Variants in HS2ST1 observed in about 807,000 individuals in gnomAD.
HS2ST1 encodes the protein heparan sulfate 2-O-sulfotransferase 1.
In HS2ST1, 18 loss-of-function variants were observed where a neutral mutation model predicts 42.9. The observed-to-expected ratio is 0.42, with a 90% confidence interval of 0.29 to 0.62. The LOEUF (loss-of-function observed/expected upper bound fraction) is 0.62, where lower values mean the gene tolerates loss of function less well. Ranked by LOEUF, HS2ST1 falls within the 20% of genes least tolerant of loss-of-function variation. The probability of loss-of-function intolerance (pLI) is 0.21; values close to 1 mark genes in which losing one functional copy is unlikely to be tolerated. For missense variants in HS2ST1, 334 were observed against 433.8 expected, an observed-to-expected ratio of 0.77 and a Z score of 2.04; for synonymous variants, 146 against 152.9, an observed-to-expected ratio of 0.95 and a Z score of 0.33.
intron 4 of HS2ST1, among the ~76,000 whole-genome samples, chr1:87,096,915 C>T (rs929247494): frequency 1.3e-5 from 2 of 152,176 alleles, no homozygotes; most frequent in African/African-American, 4.8e-5. Context: ...CTTATTTCTT[C>T]TTATGAGCTA....
At chr1:86,984,009 T>TA (rs1333553519) in intron 1 of HS2ST1, among the ~76,000 whole-genome samples, 1 of 149,444 alleles carries the variant, frequency 6.7e-6, no homozygotes, top group Non-Finnish European at 1.5e-5. Flanking sequence ...CATTGAACTC[T>TA]AGCCTGGGTG....
chr1:87,028,369 G>C (rs1650141462), intron 1 of HS2ST1, among the ~76,000 whole-genome samples: 1 of 152,150 alleles, frequency 6.6e-6, no homozygotes, highest in Admixed American at 6.5e-5. Flanking sequence ...TTTTTACTTA[G>C]TTTTCAAAAG....
chr1:86,964,031 C>A (rs1268774453), intron 1 of HS2ST1, among the ~76,000 whole-genome samples: 1 of 151,054 alleles, frequency 6.6e-6, no homozygotes, highest in Non-Finnish European at 1.5e-5. Flanking sequence ...CCTCACCTCC[C>A]AGACGGGGTC....
At chr1:86,930,624 T>C (rs932355397) in intron 1 of HS2ST1, among the ~76,000 whole-genome samples, 3 of 151,984 alleles carry the variant, frequency 2.0e-5, no homozygotes, top group Non-Finnish European at 4.4e-5. Context: ...TATAATTGCA[T>C]TGGAAAAGTG....
At chr1:86,964,311 A>AGCCGAGATCACGCC (rs1357724324) in intron 1 of HS2ST1, among the ~76,000 whole-genome samples, 4 of 152,204 alleles carry the variant, frequency 2.6e-5, no homozygotes, top group African/African-American at 9.6e-5. Context: ...GGTTGTAGCT[A>AGCCGAGATCACGCC]GCCGAGATCA....
At chr1:86,984,857 G>C (rs1168500736) in intron 1 of HS2ST1, among the ~76,000 whole-genome samples, 3 of 146,608 alleles carry the variant, frequency 2.0e-5, no homozygotes, top group Admixed American at 6.9e-5. Flanking sequence ...AGTGAGTTCA[G>C]ATCACGCCAC....
chr1:86,993,013 G>A, intron 1 of HS2ST1: 3 of 1,536,450 alleles, frequency 2.0e-6, no homozygotes. Context: ...TCCCAGTGTG[G>A]GGAGGGTACC....
chr1:86,986,439 G>C (rs912627559), intron 1 of HS2ST1, among the ~76,000 whole-genome samples: 1 of 152,116 alleles, frequency 6.6e-6, no homozygotes, highest in Non-Finnish European at 1.5e-5. Flanking sequence ...AGAATAATCC[G>C]CCTCCCTGCA....
chr1:87,042,449 T>G (rs969748247), intron 1 of HS2ST1, among the ~76,000 whole-genome samples: 1 of 152,122 alleles, frequency 6.6e-6, no homozygotes, highest in Non-Finnish European at 1.5e-5. Flanking sequence ...CAGTTCTGGG[T>G]CCTTTGTTTC....
chr1:87,078,501 C>T (rs2100639564), intron 2 of HS2ST1, among the ~76,000 whole-genome samples: 1 of 152,290 alleles, frequency 6.6e-6, no homozygotes, highest in East Asian at 1.9e-4. Context: ...ACTACTACAT[C>T]TGAAACATTC....
intron 1 of HS2ST1, among the ~76,000 whole-genome samples, chr1:86,925,275 C>T (rs868061897): frequency 3.5e-4 from 54 of 152,292 alleles, no homozygotes; most frequent in Middle Eastern, 3.4e-3. Context: ...CTAGGAAGTT[C>T]CCAAACTTTC....
chr1:86,998,497 C>T (rs1227768381), intron 1 of HS2ST1, among the ~76,000 whole-genome samples: 1 of 152,148 alleles, frequency 6.6e-6, no homozygotes, highest in Non-Finnish European at 1.5e-5. Context: ...GACATAATGT[C>T]TCTAGTTTTC....
At chr1:86,937,374 T>C (rs1328673499) in intron 1 of HS2ST1, among the ~76,000 whole-genome samples, 3 of 152,276 alleles carry the variant, frequency 2.0e-5, no homozygotes, top group East Asian at 3.9e-4. Context: ...AATTAATATT[T>C]TATATTTAAA....
intron 1 of HS2ST1, among the ~76,000 whole-genome samples, chr1:87,010,463 T>TA (rs1649566640): frequency 6.6e-6 from 1 of 152,184 alleles, no homozygotes; most frequent in African/African-American, 2.4e-5. Flanking sequence ...GGTAACTTCT[T>TA]ACTGCAAAAA....
chr1:87,104,541 C>A lies in HS2ST1; in HGVS notation c.916C>A (p.Gln306Lys), dbSNP rs143332886. ...TAAACAAACCATTGCAAAACTACAGCAATCTGATATTTGGAAAATGGAGAA... is the reference window on the plus strand; with the variant it reads ...TAAACAAACCATTGCAAAACTACAGAAATCTGATATTTGGAAAATGGAGAA... ...PTKQTIAKLQ[Q>K]SDIWKMENEF... The change falls in exon 7 of 7, where the codon CAA (glutamine) becomes AAA (lysine). Residue 306 changes from glutamine to lysine, a missense_variant. Physicochemically the swap from Gln to Lys is moderately conservative, Grantham distance 53. Transcript: ENST00000370550. The A allele has an allele frequency of 6.2e-7, 1 of 1,613,266 alleles. No individual in the cohort carries two copies. Among genetic ancestry groups the A allele is most frequent in the East Asian group, 2.2e-5 (1 of 44,866 alleles).
chr1:87,075,500 T>G (rs1004508382), intron 2 of HS2ST1, among the ~76,000 whole-genome samples: 3 of 152,192 alleles, frequency 2.0e-5, no homozygotes, highest in Non-Finnish European at 4.4e-5. Context: ...TTGCTCTTTT[T>G]TCTTCTCTAA....
At chr1:87,023,431 T>C (rs377415484) in intron 1 of HS2ST1, among the ~76,000 whole-genome samples, 2 of 147,968 alleles carry the variant, frequency 1.4e-5, no homozygotes, top group East Asian at 4.0e-4. Flanking sequence ...AAACCACTTA[T>C]ACAAACTGAT....
chr1:86,971,593 C>T (rs1048213412), intron 1 of HS2ST1, among the ~76,000 whole-genome samples: 3 of 152,150 alleles, frequency 2.0e-5, no homozygotes, highest in South Asian at 2.1e-4. Flanking sequence ...CTTCTTTACA[C>T]GTCCAATCTT....
At chr1:87,032,668 T>C (rs1216431625) in intron 1 of HS2ST1, among the ~76,000 whole-genome samples, 2 of 152,186 alleles carry the variant, frequency 1.3e-5, no homozygotes, top group African/African-American at 4.8e-5. Context: ...TAATCAGGAT[T>C]CTCCTTATTC....
Sources: allele counts gnomAD v4.1 joint callset (sites outside exome capture counted in the v4.1 genomes callset), GRCh38; gene constraint gnomAD v4.1.1; transcripts MANE v1.5; gene names NCBI Gene and HGNC (gene_info 2026-07-23, HGNC 2026-07-21).